The following HSD17B12 variants were observed in gnomAD, a reference collection of about 807,000 sequenced individuals.
HSD17B12 encodes very-long-chain 3-oxoacyl-CoA reductase.
HSD17B12 carries 32 observed loss-of-function variants against 39.3 expected under a neutral mutation model. The ratio of observed to expected loss-of-function variants is 0.81; its 90% CI spans 0.61 to 1.09. HSD17B12 has a LOEUF of 1.09. Among genes scored for constraint, HSD17B12 ranks in the 50% least tolerant of loss-of-function variants. The pLI is 0.00. For missense variants in HSD17B12, 342 were observed against 382.9 expected (o/e 0.89, Z 0.89); for synonymous variants, 150 against 146.7 (o/e 1.02, Z -0.16).
the HSD17B12 span, among the ~76,000 whole-genome samples, chr11:43,640,362 C>A: frequency 6.6e-6 from 1 of 151,938 alleles, no homozygotes; most frequent in Admixed American, 6.6e-5. Flanking sequence ...TGAATGTAAA[C>A]CTGCATTAAA....
intron 1 of HSD17B12, among the ~76,000 whole-genome samples, chr11:43,704,485 C>T (rs1949995786): frequency 6.6e-6 from 1 of 152,182 alleles, no homozygotes; most frequent in Non-Finnish European, 1.5e-5. Context: ...ATGGTCTCCT[C>T]AGTACAGGGT....
chr11:43,848,306 T>C (rs1419937835), intron 9 of HSD17B12: 1 of 152,196 alleles, frequency 6.6e-6, no homozygotes, highest in Non-Finnish European at 1.5e-5. Context: ...ATTTTTTCAG[T>C]GATCTCCTTT....
At chr11:43,703,255 C>T (rs547832209) in intron 1 of HSD17B12, among the ~76,000 whole-genome samples, 2 of 152,062 alleles carry the variant, frequency 1.3e-5, no homozygotes, top group Non-Finnish European at 2.9e-5. Flanking sequence ...AGTGCAGTGG[C>T]GGGATCTTGG....
chr11:43,578,741 GCACTTGCAA>G, the HSD17B12 span: 1 of 151,592 alleles, frequency 6.6e-6, no homozygotes, highest in South Asian at 2.1e-4. Context: ...CGCCAATAAA[GCACTTGCAA>G]CACGTGGAGC....
intron 1 of HSD17B12, among the ~76,000 whole-genome samples, chr11:43,738,500 T>A (rs1830547893): frequency 6.6e-6 from 1 of 152,162 alleles, no homozygotes; most frequent in Non-Finnish European, 1.5e-5. Context: ...AACTTCTCTC[T>A]GTTAAAGTTC....
chr11:43,656,719 C>G, the HSD17B12 span, among the ~76,000 whole-genome samples: 1 of 152,058 alleles, frequency 6.6e-6, no homozygotes, highest in Admixed American at 6.6e-5. Flanking sequence ...TTTTGAGTGA[C>G]TTTCTTAATC....
chr11:43,766,074 C>T (rs1950592634), intron 3 of HSD17B12, among the ~76,000 whole-genome samples: 2 of 152,236 alleles, frequency 1.3e-5, no homozygotes, highest in African/African-American at 2.4e-5. Context: ...ATCTGCCTGC[C>T]TCGGCCTCCC....
At chr11:43,570,454 T>C in the HSD17B12 span, 1 of 152,262 alleles carries the variant, frequency 6.6e-6, no homozygotes, top group Admixed American at 6.5e-5. Context: ...CTTTTCTTCA[T>C]GGGTCCTGAG....
chr11:43,690,375 TATATATA>T (rs1949843906), intron 1 of HSD17B12, among the ~76,000 whole-genome samples: 1 of 13,786 alleles, frequency 7.3e-5, no homozygotes, highest in Admixed American at 1.2e-3. Context: ...TATATATATA[TATATATA>T]TATATATATA....
intron 9 of HSD17B12, among the ~76,000 whole-genome samples, chr11:43,847,253 C>T (rs1029928340): frequency 6.6e-6 from 1 of 152,154 alleles, no homozygotes; most frequent in African/African-American, 2.4e-5. Flanking sequence ...ACACCATCCC[C>T]TGAGGTTTTC....
chr11:43,775,204 G>A lies in HSD17B12; in HGVS notation c.283+21083G>A, dbSNP rs145894393. 7.8e-3 allele frequency among the ~76,000 whole-genome samples: 1,187 copies of A among 152,298 alleles called. 15 individuals are homozygous for A. Among genetic ancestry groups the A allele is most frequent in the African/African-American group, 0.027 (1,118 of 41,552 alleles). ...AACAACCAGTGAACTTGAAAGTGGC[G>A]CCTGAGCCTTAGATGAAATCCTAGC... On this transcript the variant is annotated intron_variant, in intron 3 of 10. Transcript: ENST00000278353.
the HSD17B12 span, among the ~76,000 whole-genome samples, chr11:43,615,452 C>T: frequency 6.6e-6 from 1 of 152,222 alleles, no homozygotes; most frequent in Non-Finnish European, 1.5e-5. Context: ...AACTCTCTCT[C>T]TGCACAGCTC....
At chr11:43,820,588 C>T (rs937242808) in intron 6 of HSD17B12, among the ~76,000 whole-genome samples, 1 of 152,172 alleles carries the variant, frequency 6.6e-6, no homozygotes, top group Non-Finnish European at 1.5e-5. Flanking sequence ...GGCTGGACAT[C>T]AGGGGAACTG....
At chr11:43,666,502 G>A in the HSD17B12 span, among the ~76,000 whole-genome samples, 1 of 152,208 alleles carries the variant, frequency 6.6e-6, no homozygotes, top group Non-Finnish European at 1.5e-5. Context: ...ACCACACCTG[G>A]CCATTTTTTG....
chr11:43,679,635 A>C (rs1001805821), upstream of HSD17B12, among the ~76,000 whole-genome samples: 1 of 152,210 alleles, frequency 6.6e-6, no homozygotes, highest in Non-Finnish European at 1.5e-5. Context: ...AAAGAAAGTA[A>C]AATTTTCTAT....
chr11:43,732,438 A>G (rs1357425404), intron 1 of HSD17B12, among the ~76,000 whole-genome samples: 2 of 151,638 alleles, frequency 1.3e-5, no homozygotes, highest in Non-Finnish European at 2.9e-5. Context: ...AAGGGGCAGC[A>G]GTTAGGCTAT....
chr11:43,558,477 AT>A, the HSD17B12 span, among the ~76,000 whole-genome samples: 48 of 151,472 alleles, frequency 3.2e-4, no homozygotes, highest in Admixed American at 2.2e-3. Flanking sequence ...AGTACTGTAC[AT>A]TTTTTTCCCC....
chr11:43,823,236 A>T (rs1951199872), intron 6 of HSD17B12, among the ~76,000 whole-genome samples: 1 of 151,606 alleles, frequency 6.6e-6, no homozygotes, highest in African/African-American at 2.4e-5. Flanking sequence ...TTCACTGAGC[A>T]TTTCATTTTT....
chr11:43,783,021 T>A (rs1590296127), intron 3 of HSD17B12, among the ~76,000 whole-genome samples: 1 of 152,090 alleles, frequency 6.6e-6, no homozygotes, highest in East Asian at 1.9e-4. Context: ...CAAACCTAAG[T>A]TGAGGGACAT....
Sources: allele counts gnomAD v4.1 joint callset (sites outside exome capture counted in the v4.1 genomes callset), GRCh38; gene constraint gnomAD v4.1.1; transcripts MANE v1.5; gene names NCBI Gene and HGNC (gene_info 2026-07-23, HGNC 2026-07-21).